Variants in AP3D1 observed in about 807,000 individuals in gnomAD.
AP3D1 encodes the protein AP-3 complex subunit delta-1.
Under a neutral mutation model 147.6 loss-of-function variants are expected in AP3D1, and 51 were observed. The ratio of observed to expected loss-of-function variants is 0.35; its 90% CI spans 0.28 to 0.44. The LOEUF (loss-of-function observed/expected upper bound fraction) is 0.44, where lower values mean the gene tolerates loss of function less well. Ranked by LOEUF, AP3D1 falls within the 20% of genes least tolerant of loss-of-function variation. The pLI is 1.00. For missense variants in AP3D1, 1,421 were observed against 1,624.2 expected (o/e 0.87, Z 2.15); for synonymous variants, 760 against 663.0 (o/e 1.15, Z -2.25).
intron 11 of AP3D1, among the ~76,000 whole-genome samples, chr19:2,122,469 G>C (rs919531196): frequency 6.6e-6 from 1 of 152,230 alleles, no homozygotes; most frequent in African/African-American, 2.4e-5. Flanking sequence ...CGGAGAAAAC[G>C]CAGTAGTCCC....
chr19:2,131,565 A>G (rs1452525634), intron 5 of AP3D1, among the ~76,000 whole-genome samples: 3 of 120,646 alleles, frequency 2.5e-5, no homozygotes, highest in African/African-American at 3.6e-5. Flanking sequence ...ACGCGGGGAC[A>G]GCGCCCATCG....
rs541898212 is a variant in AP3D1, at chr19:2,114,922, G to A, written c.2350-101C>T. The A allele has an allele frequency of 6.1e-5, 78 of 1,282,864 alleles. No homozygotes were observed. The African/African-American group carries it at 8.2e-4, about 13-fold the overall frequency. The allele number at this position is 1,282,864 out of a possible 1,614,324, so 79.5% of individuals were successfully genotyped here. A position where few individuals can be genotyped will look rare whatever the true frequency, so the allele number is the denominator to read the frequency against. ...GTGGGACTGCCCATGCGGGCCACAC[G>A]CACAGGTGGGCAGTGACGTGGCTCC... On this transcript the variant is annotated intron_variant, in intron 20 of 31. Transcript: ENST00000643116.
chr19:2,127,559 C>T (rs2145096359), intron 8 of AP3D1, among the ~76,000 whole-genome samples: 1 of 152,354 alleles, frequency 6.6e-6, no homozygotes, highest in Non-Finnish European at 1.5e-5. Context: ...GAGTCTCGCT[C>T]TGTTGCCCAG....
At chr19:2,104,689 T>G (rs916508969) in intron 31 of AP3D1, among the ~76,000 whole-genome samples, 4 of 147,826 alleles carry the variant, frequency 2.7e-5, no homozygotes, top group African/African-American at 1.0e-4. Context: ...TTTTTTTTTT[T>G]GGAGTCTCAC....
At position 2,112,588 on chromosome 19, in the gene AP3D1, G is replaced by A. The variant is rs1023934356; in HGVS notation, c.2787+272C>T. On this transcript the variant is annotated intron_variant, in intron 24 of 31. Coordinates refer to ENST00000643116, the MANE Select transcript of AP3D1 (RefSeq NM_001261826.3). ...AGTTCTGGAACTAGACAGAGGTGAT[G>A]ATGGTTGCACAACTCTGTGAATATA... 3 of 364,750 alleles carry A rather than the reference G, an allele frequency of 8.2e-6. No homozygotes were observed. The East Asian group carries it at 1.4e-4, about 17-fold the overall frequency. 22.6% of individuals were successfully genotyped at this position (364,750 alleles called of 1,614,324 possible). A position where few individuals can be genotyped will look rare whatever the true frequency, so the allele number is the denominator to read the frequency against.
intron 1 of AP3D1, among the ~76,000 whole-genome samples, chr19:2,140,522 C>G (rs2019192149): frequency 6.6e-6 from 1 of 151,450 alleles, no homozygotes; most frequent in African/African-American, 2.4e-5. Flanking sequence ...GTCGCCCAGG[C>G]TGGAGTGCAG....
rs1599465152 is a variant in AP3D1 at position 2,123,951 on chromosome 19, G to A, written c.857-72C>T. 9 of 1,500,722 alleles carry A rather than the reference G, an allele frequency of 6.0e-6. No individual in the cohort carries two copies. The East Asian group carries it at 2.0e-4, about 33-fold the overall frequency. 93.0% of individuals were successfully genotyped at this position (1,500,722 alleles called of 1,614,324 possible). ...CGCCGACACCAACTCAGGGCCACGG[G>A]GCACCAGCACCCCCTCGCCGGGAGG... On this transcript the variant is annotated intron_variant, in intron 9 of 31. Transcript: ENST00000643116.
chr19:2,147,488 G>A (rs1194166115), intron 1 of AP3D1, among the ~76,000 whole-genome samples: 14 of 148,738 alleles, frequency 9.4e-5, no homozygotes, highest in African/African-American at 3.0e-4. Flanking sequence ...CCCAGGAGGC[G>A]GAACTTGCAG....
rs1344729887 is a variant in AP3D1 at position 2,116,248 on chromosome 19, T to C, written c.2032A>G (p.Asn678Asp). 6.2e-7 allele frequency: 1 copy of C among 1,614,032 alleles called. No individual in the cohort carries two copies. The highest frequency in any genetic ancestry group is 1.3e-5 in the African/African-American group (1 of 74,932). ...RREARKQEQA[N>D]NPFYIKSSPS... is the part of the protein sequence containing the mutation. ...GAGCTCTTGATGTAGAAGGGGTTGT[T>C]GGCCTGCTCCTGCTTCCGGGCCTCT... Residue 678 changes from asparagine (N) to aspartate (D), a missense_variant, in exon 18 of 32, where the codon AAC becomes GAC. Coordinates refer to ENST00000643116, the MANE Select transcript of AP3D1 (RefSeq NM_001261826.3).
At chr19:2,129,825 C>T (rs1285262778) in intron 6 of AP3D1, among the ~76,000 whole-genome samples, 1 of 152,204 alleles carries the variant, frequency 6.6e-6, no homozygotes. Flanking sequence ...CTGCTGCATC[C>T]ATGCCCACCA....
At chr19:2,164,393 G>A (rs964013791) in exon 1 of AP3D1, 3 of 552,782 alleles carry the variant, frequency 5.4e-6, no homozygotes, top group Non-Finnish European at 7.9e-6. Flanking sequence ...GGACTCCACT[G>A]TCGCTGCTCC....
At chr19:2,114,434 A>G in intron 21 of AP3D1, 132 bp from the exon 22 acceptor site, 2 of 761,322 alleles carry the variant, frequency 2.6e-6, no homozygotes, top group Admixed American at 2.7e-5. Flanking sequence ...CCATGGCCCA[A>G]CATAGATCTA....
chr19:2,140,184 T>C (rs2144524180), intron 1 of AP3D1, among the ~76,000 whole-genome samples: 1 of 151,996 alleles, frequency 6.6e-6, no homozygotes, highest in Admixed American at 6.6e-5. Flanking sequence ...AAAAAGACCA[T>C]CCCAGGCGTG....
chr19:2,116,650 A>G lies in AP3D1; in HGVS notation c.1956T>C (p.Arg652=), dbSNP rs2074960. The change falls in exon 17 of 32, where the codon CGT becomes CGC. Residue 652 remains arginine (R), a synonymous_variant. Coordinates refer to ENST00000643116, the MANE Select transcript of AP3D1 (RefSeq NM_001261826.3). ...CCGCCTCCGACGGCCGGTGCTTGGG[A>G]CGCCGCTGCTCCTCCTCGTGGAAGA... The part of the protein sequence containing the change: ...RAVFHEEEQR[R]PKHRPSEADE... 0.21 allele frequency: 329,611 copies of G among 1,602,452 alleles called. 34,855 individuals are homozygous for G. The highest frequency in any genetic ancestry group is 0.22 in the East Asian group (9,978 of 44,442).
chr19:2,159,864 C>T (rs1171767955), intron 1 of AP3D1, among the ~76,000 whole-genome samples: 2 of 151,654 alleles, frequency 1.3e-5, no homozygotes, highest in African/African-American at 2.4e-5. Context: ...CTACAGGCGC[C>T]TGCCAACATG....
chr19:2,130,643 C>T (rs1468085429), intron 5 of AP3D1, 106 bp from the exon 6 acceptor site: 14 of 1,526,388 alleles, frequency 9.2e-6, no homozygotes, highest in African/African-American at 2.7e-5. Context: ...TCCAGCCCGA[C>T]GCTGTGGCTG....
intron 15 of AP3D1, among the ~76,000 whole-genome samples, chr19:2,118,324 C>A (rs970008616): frequency 1.3e-5 from 2 of 152,168 alleles, no homozygotes; most frequent in Non-Finnish European, 2.9e-5. Flanking sequence ...GCTGTCTCGC[C>A]GCATGTGAAA....
intron 1 of AP3D1, among the ~76,000 whole-genome samples, chr19:2,163,860 G>T (rs1186172000): frequency 4.0e-5 from 6 of 149,880 alleles, no homozygotes; most frequent in Admixed American, 4.0e-4. Context: ...GCTGGGCGGC[G>T]GGCACGCGCC....
intron 11 of AP3D1, 21 bp downstream of exon 11, chr19:2,123,337 A>G (rs1309759361): frequency 6.2e-7 from 1 of 1,611,674 alleles, no homozygotes; most frequent in Non-Finnish European, 8.5e-7. Context: ...AAATGACAGC[A>G]CTGGGGAGGG....
Sources: allele counts gnomAD v4.1 joint callset (sites outside exome capture counted in the v4.1 genomes callset), GRCh38; gene constraint gnomAD v4.1.1; transcripts MANE v1.5; gene names NCBI Gene and HGNC (gene_info 2026-07-23, HGNC 2026-07-21).